DTNB: variants seen among roughly 807,000 people sequenced by gnomAD.
The protein encoded by DTNB is dystrobrevin beta, also known as DTN-B.
Under a neutral mutation model 90.7 loss-of-function variants are expected in DTNB, and 63 were observed. The observed-to-expected ratio is 0.69, with a 90% confidence interval of 0.57 to 0.86. The LOEUF (loss-of-function observed/expected upper bound fraction) is 0.86. Ranked by LOEUF, DTNB falls within the 40% of genes least tolerant of loss-of-function variation. The probability of loss-of-function intolerance (pLI) is 0.00; values close to 1 mark genes in which losing one functional copy is unlikely to be tolerated. For synonymous variants in DTNB, 277 were observed against 286.7 expected, an observed-to-expected ratio of 0.97 and a Z score of 0.34; for missense variants, 744 against 807.1, an observed-to-expected ratio of 0.92 and a Z score of 0.95.
intron 8 of DTNB, among the ~76,000 whole-genome samples, chr2:25,546,805 A>G (rs2082517575): frequency 6.6e-6 from 1 of 151,816 alleles, no homozygotes; most frequent in African/African-American, 2.4e-5. Context: ...GGAGTCAGCA[A>G]TTAGGTTGGT....
chr2:25,587,717 C>G (rs1053720300), intron 6 of DTNB, among the ~76,000 whole-genome samples: 1 of 152,228 alleles, frequency 6.6e-6, no homozygotes, highest in Non-Finnish European at 1.5e-5. Flanking sequence ...AAGACACTCT[C>G]TCCTTCACAG....
intron 9 of DTNB, among the ~76,000 whole-genome samples, chr2:25,498,819 G>A (rs111674441): frequency 1.7e-5 from 2 of 119,108 alleles, no homozygotes; most frequent in African/African-American, 6.7e-5. Flanking sequence ...TCACACTCCA[G>A]TCTGTGCAAC....
intron 14 of DTNB, among the ~76,000 whole-genome samples, chr2:25,431,205 AT>A (rs35256450): frequency 4.4e-4 from 65 of 147,664 alleles, no homozygotes; most frequent in Middle Eastern, 3.5e-3. Context: ...TTCTTCTAGA[AT>A]TTTTTTTTTT....
intron 14 of DTNB, among the ~76,000 whole-genome samples, chr2:25,431,813 C>T (rs1037297060): frequency 2.6e-5 from 4 of 152,310 alleles, no homozygotes; most frequent in East Asian, 1.9e-4. Context: ...CTCCCTAGTA[C>T]GACACCAGCT....
chr2:25,665,655 A>G (rs1290745450), intron 1 of DTNB, among the ~76,000 whole-genome samples: 1 of 151,918 alleles, frequency 6.6e-6, no homozygotes, highest in Non-Finnish European at 1.5e-5. Flanking sequence ...GATGACTAAG[A>G]CTCTCATTAA....
At chr2:25,634,469 C>T (rs866546228) in intron 3 of DTNB, among the ~76,000 whole-genome samples, 10 of 143,978 alleles carry the variant, frequency 6.9e-5, no homozygotes, top group East Asian at 2.1e-4. Context: ...GTCGCCCCGT[C>T]GGGGAGGTGA....
At chr2:25,574,620 C>T (rs1439926053) in intron 8 of DTNB, among the ~76,000 whole-genome samples, 1 of 152,186 alleles carries the variant, frequency 6.6e-6, no homozygotes. Context: ...AGCCGACAAT[C>T]TCAAAGAAAT....
chr2:25,433,813 G>T, intron 13 of DTNB, 97 bp downstream of exon 13: 1 of 1,398,582 alleles, frequency 7.2e-7, no homozygotes, highest in Non-Finnish European at 1.0e-6. Flanking sequence ...GTCTTCCTTG[G>T]CGGTCAAAAG....
At chr2:25,484,539 C>G (rs1229025296) in intron 9 of DTNB, among the ~76,000 whole-genome samples, 1 of 152,196 alleles carries the variant, frequency 6.6e-6, no homozygotes, top group Admixed American at 6.5e-5. Flanking sequence ...CTTTCTCCAT[C>G]TATCTATGCA....
intron 3 of DTNB, among the ~76,000 whole-genome samples, chr2:25,630,142 C>T (rs1000205962): frequency 1.3e-5 from 2 of 152,206 alleles, no homozygotes; most frequent in African/African-American, 4.8e-5. Context: ...AGATGCTCAA[C>T]ATCATTAGTC....
At chr2:25,453,074 C>T (rs967542083) in intron 11 of DTNB, among the ~76,000 whole-genome samples, 3 of 151,974 alleles carry the variant, frequency 2.0e-5, no homozygotes, top group East Asian at 1.9e-4. Context: ...GAATGCTTAA[C>T]GATACAAGTG....
At chr2:25,509,127 C>T (rs1011965799) in intron 9 of DTNB, among the ~76,000 whole-genome samples, 3 of 152,116 alleles carry the variant, frequency 2.0e-5, no homozygotes, top group African/African-American at 7.2e-5. Flanking sequence ...TTAATATTTC[C>T]TTTTCGATCT....
At chr2:25,476,065 ATT>A (rs35073594) in intron 10 of DTNB, among the ~76,000 whole-genome samples, 85,492 of 127,528 alleles carry the variant, frequency 0.67, 28,289 homozygotes, top group African/African-American at 0.83. Flanking sequence ...TCAAGAAGTA[ATT>A]TTTTTTTTTT....
intron 8 of DTNB, among the ~76,000 whole-genome samples, chr2:25,575,263 A>G (rs917216559): frequency 1.3e-5 from 2 of 151,932 alleles, no homozygotes; most frequent in Non-Finnish European, 2.9e-5. Context: ...AAACCAGTGG[A>G]AAAAACATTA....
At position 25,419,531 on chromosome 2, in the gene DTNB, T is replaced by G. The variant is rs1302283055; in HGVS notation, c.1559A>C (p.Glu520Ala). ...TTCACTTACTGCCTGCTTTTGCTCT[T>G]CCTCCTGGAGTGTTGAAGATGAAAA... is the stretch of plus-strand genomic sequence containing the variant. ...LEELMKLLKEEEQKQAAQATG... is the reference protein window; with the variant it reads ...LEELMKLLKEAEQKQAAQATG... The change falls in exon 16 of 21, where the codon GAA (glutamate) becomes GCA (alanine). Residue 520 changes from glutamate to alanine, a missense_variant. Coordinates refer to ENST00000406818, the MANE Select transcript of DTNB (RefSeq NM_021907.5). 1 of 1,557,346 alleles carries G rather than the reference T, an allele frequency of 6.4e-7. No individual in the cohort carries two copies. The highest frequency in any genetic ancestry group is 1.2e-5 in the South Asian group (1 of 84,256).
chr2:25,600,336 T>C (rs1308319400), intron 5 of DTNB, among the ~76,000 whole-genome samples: 2 of 152,192 alleles, frequency 1.3e-5, no homozygotes, highest in Non-Finnish European at 2.9e-5. Flanking sequence ...GGAAAACCCT[T>C]TGCTTTCTTC....
intron 9 of DTNB, among the ~76,000 whole-genome samples, chr2:25,507,205 C>T (rs1241723363): frequency 2.0e-5 from 3 of 152,164 alleles, no homozygotes; most frequent in Non-Finnish European, 4.4e-5. Flanking sequence ...GTCTATAATG[C>T]TTTTCATTTT....
Position 25,522,204 on chromosome 2 carries a change from T to C in DTNB, c.1001+9269A>G, listed in dbSNP as rs144658530. Among the ~76,000 whole-genome samples the C allele has an allele frequency of 4.6e-3, 702 of 152,332 alleles. 5 individuals carry two copies. The highest frequency in any genetic ancestry group is 8.1e-3 in the Non-Finnish European group (552 of 68,028). On this transcript the variant is annotated intron_variant, in intron 9 of 20. Coordinates refer to ENST00000406818, the MANE Select transcript of DTNB (RefSeq NM_021907.5). The stretch of plus-strand genomic sequence containing the variant: ...GCTGATACGTGAATTGGCTTTGTTT[T>C]GAATACACGTCTTGCAATTTATTTG...
rs1031084344 is a variant in DTNB at position 25,464,613 on chromosome 2, C to G, written c.1080-9119G>C. On this transcript the variant is annotated intron_variant, in intron 10 of 20. Coordinates refer to ENST00000406818, the MANE Select transcript of DTNB (RefSeq NM_021907.5). ...CTCACCCCTGCCCTTGAGTATGAAC[C>G]ATGCTTAGGGATTTCCAAAGAACAG... Among the ~76,000 whole-genome samples, 4 of 152,132 alleles carry G rather than the reference C, an allele frequency of 2.6e-5. No homozygotes were observed. In the South Asian group the frequency reaches 6.2e-4, roughly 24 times the overall value.
Sources: gnomAD v4.1 joint callset for allele counts (sites outside exome capture counted in the v4.1 genomes callset) on GRCh38, gnomAD v4.1.1 for gene constraint, MANE v1.5 for transcripts, NCBI Gene and HGNC (gene_info 2026-07-23, HGNC 2026-07-21) for gene names.